The following PLCE1 variants were observed in gnomAD, a reference collection of about 807,000 sequenced individuals.
PLCE1 encodes the protein phospholipase C epsilon 1, also known as 1-phosphatidylinositol 4,5-bisphosphate phosphodiesterase epsilon-1.
A neutral mutation model predicts 242.8 loss-of-function variants in PLCE1; 119 were observed. That is an observed-to-expected ratio of 0.49 (90% CI 0.42 to 0.57). PLCE1 has a LOEUF of 0.57. PLCE1 is among the 20% of genes least tolerant of loss of function. The pLI, the probability that PLCE1 is intolerant of heterozygous loss-of-function variation, is 0.00. For synonymous variants in PLCE1, 945 were observed against 1,017.4 expected, an observed-to-expected ratio of 0.93 and a Z score of 1.35; for missense variants, 2,441 against 2,788.8, an observed-to-expected ratio of 0.88 and a Z score of 2.81.
At chr10:94,275,341 A>G (rs901276122) in intron 19 of PLCE1, among the ~76,000 whole-genome samples, 1 of 152,176 alleles carries the variant, frequency 6.6e-6, no homozygotes, top group African/African-American at 2.4e-5. Context: ...TATGGTTGCT[A>G]AGACTCTTTA....
intron 1 of PLCE1, among the ~76,000 whole-genome samples, chr10:94,012,390 A>G (rs1278010447): frequency 6.6e-6 from 1 of 152,038 alleles, no homozygotes; most frequent in Non-Finnish European, 1.5e-5. Flanking sequence ...GGTGACACTC[A>G]AAAGATAAAC....
intron 4 of PLCE1, among the ~76,000 whole-genome samples, chr10:94,180,731 G>A (rs2048285233): frequency 1.3e-5 from 2 of 152,182 alleles, no homozygotes; most frequent in Non-Finnish European, 2.9e-5. Context: ...GAGGTGATTA[G>A]GCTGTGAGGG....
chr10:94,037,856 G>T (rs2061693162), intron 2 of PLCE1, among the ~76,000 whole-genome samples: 1 of 152,212 alleles, frequency 6.6e-6, no homozygotes, highest in Non-Finnish European at 1.5e-5. Context: ...CTGGATTCCA[G>T]TGTAAGGTAA....
At chr10:94,223,389 G>C (rs1417156565) in intron 4 of PLCE1, among the ~76,000 whole-genome samples, 2 of 152,112 alleles carry the variant, frequency 1.3e-5, no homozygotes, top group Non-Finnish European at 2.9e-5. Flanking sequence ...GAATGGACAG[G>C]GGCCTGGTGG....
At chr10:94,056,842 A>G (rs531150282) in intron 2 of PLCE1, among the ~76,000 whole-genome samples, 32 of 150,380 alleles carry the variant, frequency 2.1e-4, no homozygotes, top group Non-Finnish European at 3.8e-4. Flanking sequence ...GTAACTAGTA[A>G]TCTGCTTTTT....
chr10:94,218,928 AATT>A (rs2049623210), intron 4 of PLCE1, among the ~76,000 whole-genome samples: 2 of 147,268 alleles, frequency 1.4e-5, no homozygotes, highest in East Asian at 3.9e-4. Context: ...TAAAAATTTT[AATT>A]ATAATTATAT....
chr10:94,310,499 T>C (rs2053354364), intron 27 of PLCE1, among the ~76,000 whole-genome samples: 1 of 152,040 alleles, frequency 6.6e-6, no homozygotes, highest in South Asian at 2.1e-4. Flanking sequence ...CATCAGGCGA[T>C]TGCACCATGT....
At position 94,252,354 on chromosome 10, in the gene PLCE1, T is replaced by C. The variant is rs2050908748; in HGVS notation, c.3135T>C (p.Ala1045=). 6.2e-7 allele frequency: 1 copy of C among 1,614,032 alleles called. No individual in the cohort carries two copies. Among genetic ancestry groups the C allele is most frequent in the African/African-American group, 1.3e-5 (1 of 74,928 alleles). The change falls in exon 9 of 33, where the codon GCT becomes GCC. Residue 1045 remains alanine, a synonymous_variant. Coordinates refer to ENST00000371380, the MANE Select transcript of PLCE1 (RefSeq NM_016341.4). ...ATGAAGGCCCAACTTTGGCTCACGC[T>C]GTGGAGTTGTTTGGTGGCAGACGGT... The part of the protein sequence containing the change: ...GRYEGPTLAH[A]VELFGGRRWS...
rs573747923 is a variant in PLCE1 at position 94,077,940 on chromosome 10, T to C, written c.1206+45688T>C. ...TACACCCAGAATCCCTAATTTGCTG[T>C]TCCAAAAAGCAAAAGACCTAAAAAC... On this transcript the variant is annotated intron_variant, in intron 2 of 32. Transcript: ENST00000371380. Among the ~76,000 whole-genome samples the C allele has an allele frequency of 9.2e-5, 14 of 152,342 alleles. 1 individual carries two copies. The South Asian group carries it at 2.7e-3, about 29-fold the overall frequency.
intron 19 of PLCE1, among the ~76,000 whole-genome samples, chr10:94,277,799 G>A (rs945034393): frequency 1.3e-5 from 2 of 152,138 alleles, no homozygotes; most frequent in Non-Finnish European, 2.9e-5. Context: ...AAAATTTCCT[G>A]GTTAAGTAAG....
chr10:94,102,857 C>T (rs1030947040), intron 2 of PLCE1, among the ~76,000 whole-genome samples: 9 of 152,144 alleles, frequency 5.9e-5, no homozygotes, highest in Non-Finnish European at 1.2e-4. Context: ...ATGTGAAATC[C>T]GTCTACAAAA....
At chr10:94,261,161 C>T (rs2051283880) in intron 13 of PLCE1, among the ~76,000 whole-genome samples, 2 of 152,150 alleles carry the variant, frequency 1.3e-5, no homozygotes, top group Non-Finnish European at 2.9e-5. Context: ...CCCGCGACCT[C>T]CCTCCAAATC....
chr10:94,224,477 C>G (rs2049872224), intron 4 of PLCE1, among the ~76,000 whole-genome samples: 1 of 152,150 alleles, frequency 6.6e-6, no homozygotes, highest in South Asian at 2.1e-4. Flanking sequence ...TCCAGAGACC[C>G]TGATTTGCCA....
At chr10:94,303,567 G>A (rs1004138088) in intron 24 of PLCE1, among the ~76,000 whole-genome samples, 7 of 152,078 alleles carry the variant, frequency 4.6e-5, no homozygotes, top group Admixed American at 2.0e-4. Flanking sequence ...GTAATTTATG[G>A]GATGAAATTG....
At chr10:93,995,266 T>C (rs576820354) in intron 1 of PLCE1, among the ~76,000 whole-genome samples, 2 of 152,238 alleles carry the variant, frequency 1.3e-5, no homozygotes, top group Admixed American at 6.5e-5. Context: ...ATAAATACTT[T>C]TCTGAAGAAT....
chr10:94,234,755 T>C (rs1219387511), intron 6 of PLCE1, among the ~76,000 whole-genome samples: 1 of 152,072 alleles, frequency 6.6e-6, no homozygotes, highest in Non-Finnish European at 1.5e-5. Context: ...TGGAGACGCA[T>C]GTAGAGACAA....
At chr10:94,118,706 A>G (rs1461809776) in intron 2 of PLCE1, among the ~76,000 whole-genome samples, 1 of 151,964 alleles carries the variant, frequency 6.6e-6, no homozygotes, top group East Asian at 1.9e-4. Flanking sequence ...AGTCCAATAA[A>G]CCTCTTTCTT....
chr10:93,994,404 C>T (rs989991578), intron 1 of PLCE1, among the ~76,000 whole-genome samples, 146 bp downstream of exon 1: 27 of 152,206 alleles, frequency 1.8e-4, no homozygotes, highest in African/African-American at 6.0e-4. Flanking sequence ...TCCCGGGGGA[C>T]CCGAGGCGGG....
At chr10:94,038,399 T>C (rs1251238915) in intron 2 of PLCE1, among the ~76,000 whole-genome samples, 1 of 152,162 alleles carries the variant, frequency 6.6e-6, no homozygotes, top group Non-Finnish European at 1.5e-5. Flanking sequence ...AGTGGTTCTT[T>C]ATTCTAGTGG....
Sources: allele counts gnomAD v4.1 joint callset (sites outside exome capture counted in the v4.1 genomes callset), GRCh38; gene constraint gnomAD v4.1.1; transcripts MANE v1.5; gene names NCBI Gene and HGNC (gene_info 2026-07-23, HGNC 2026-07-21).